The following NEK4 variants were observed in gnomAD, a reference collection of about 807,000 sequenced individuals.
NEK4 encodes serine/threonine-protein kinase Nek4.
Under a neutral mutation model 98.4 loss-of-function variants are expected in NEK4, and 86 were observed. That is an observed-to-expected ratio of 0.87 (90% CI 0.73 to 1.05). The LOEUF (loss-of-function observed/expected upper bound fraction) is 1.05. Ranked by LOEUF, NEK4 falls within the 50% of genes least tolerant of loss-of-function variation. The probability of loss-of-function intolerance (pLI) is 0.00; values close to 1 mark genes in which losing one functional copy is unlikely to be tolerated. For synonymous variants in NEK4, 328 were observed against 342.2 expected, an observed-to-expected ratio of 0.96 and a Z score of 0.46; for missense variants, 898 against 950.3, an observed-to-expected ratio of 0.94 and a Z score of 0.72.
chr3:52,737,065 C>A (rs1404420682), intron 15 of NEK4, among the ~76,000 whole-genome samples: 1 of 152,086 alleles, frequency 6.6e-6, no homozygotes, highest in East Asian at 1.9e-4. Context: ...GCCTCCCCTG[C>A]CGCTGGGATT....
chr3:52,741,424 C>T lies in NEK4; in HGVS notation c.2080G>A (p.Asp694Asn). ...STSSTDKSDG[D>N]YGEGKGQTNE... is the part of the protein sequence containing the mutation. ...ACAAGAACTTACCCTTCCCCGTAATCCCCATCTGACTTATCAGTTGAACTT... is the reference window on the plus strand; with the variant it reads ...ACAAGAACTTACCCTTCCCCGTAATTCCCATCTGACTTATCAGTTGAACTT... The change falls in exon 13 of 16, where the codon GAT becomes AAT. Residue 694 changes from aspartate to asparagine, a missense_variant. Physicochemically the swap from Asp to Asn is conservative, Grantham distance 23. Transcript: ENST00000233027. 1.3e-6 allele frequency: 2 copies of T among 1,599,528 alleles called. No homozygotes were observed. Among genetic ancestry groups the T allele is most frequent in the Non-Finnish European group, 1.7e-6 (2 of 1,166,942 alleles).
At chr3:52,765,683 A>AATTAATATT (rs1207082276) in intron 4 of NEK4, among the ~76,000 whole-genome samples, 18 of 152,232 alleles carry the variant, frequency 1.2e-4, no homozygotes, top group African/African-American at 4.3e-4. Flanking sequence ...AAGCTGGCTT[A>AATTAATATT]CAGATTAATA....
At chr3:52,722,445 G>A (rs1271047350) in intron 15 of NEK4, among the ~76,000 whole-genome samples, 2 of 151,952 alleles carry the variant, frequency 1.3e-5, no homozygotes, top group Non-Finnish European at 2.9e-5. Flanking sequence ...CTACATCACT[G>A]GCATGGAGGA....
chr3:52,721,679 T>C (rs189587800), intron 15 of NEK4, among the ~76,000 whole-genome samples: 10 of 150,104 alleles, frequency 6.7e-5, no homozygotes, highest in Non-Finnish European at 1.2e-4. Context: ...AAGGCTGCAG[T>C]GAGCTGTGAT....
chr3:52,759,750 T>C (rs1698285918), intron 6 of NEK4, among the ~76,000 whole-genome samples: 1 of 152,210 alleles, frequency 6.6e-6, no homozygotes, highest in Non-Finnish European at 1.5e-5. Context: ...GCTAGGTATG[T>C]ACCCAAAAGA....
intron 5 of NEK4, among the ~76,000 whole-genome samples, chr3:52,762,649 G>A (rs1559448451): frequency 6.6e-6 from 1 of 152,170 alleles, no homozygotes; most frequent in Admixed American, 6.5e-5. Context: ...TTGGGAGGCC[G>A]AGGTGGGCGG....
At chr3:52,761,189 T>C (rs1698342505) in intron 5 of NEK4, among the ~76,000 whole-genome samples, 2 of 152,144 alleles carry the variant, frequency 1.3e-5, no homozygotes, top group Admixed American at 1.3e-4. Context: ...ATATCCTGGA[T>C]TGGATCCTGG....
At chr3:52,728,009 G>A (rs2097366148) in intron 15 of NEK4, among the ~76,000 whole-genome samples, 1 of 152,138 alleles carries the variant, frequency 6.6e-6, no homozygotes, top group Non-Finnish European at 1.5e-5. Flanking sequence ...TAGATGAGAG[G>A]ATTGCATGAG....
At chr3:52,748,438 G>T (rs905946374) in intron 8 of NEK4, among the ~76,000 whole-genome samples, 1 of 151,978 alleles carries the variant, frequency 6.6e-6, no homozygotes, top group Non-Finnish European at 1.5e-5. Context: ...CACTTAAATT[G>T]TGGTTAATCT....
chr3:52,754,397 C>A, intron 6 of NEK4: 1 of 469,064 alleles, frequency 2.1e-6, no homozygotes, highest in South Asian at 1.8e-5. Flanking sequence ...TACAAAAAGC[C>A]CCCTAAACCC....
At chr3:52,766,904 TGAACCCGGGAAG>T (rs1182654339) in intron 2 of NEK4, among the ~76,000 whole-genome samples, 1 of 151,772 alleles carries the variant, frequency 6.6e-6, no homozygotes, top group East Asian at 1.9e-4. Context: ...GAGAATGGCG[TGAACCCGGGAAG>T]CGGAGCTTGC....
rs118118759 is a variant in NEK4, at chr3:52,764,355, G to A, written c.667-731C>T. Among the ~76,000 whole-genome samples the A allele has an allele frequency of 1.6e-4, 25 of 151,998 alleles. No individual in the cohort carries two copies. The East Asian group carries it at 4.8e-3, about 29-fold the overall frequency. On this transcript the variant is annotated intron_variant, in intron 4 of 15. Coordinates refer to ENST00000233027, the MANE Select transcript of NEK4 (RefSeq NM_003157.6). ...GTTAAAAAATACAAGACTTGGGCCG[G>A]GTGCAGTGGCTCACACCTGTAATCT...
intron 5 of NEK4, among the ~76,000 whole-genome samples, chr3:52,762,097 G>A (rs1481028023): frequency 2.0e-5 from 3 of 152,160 alleles, no homozygotes; most frequent in Non-Finnish European, 4.4e-5. Context: ...AATTTAACAT[G>A]CCACAAGGCA....
At chr3:52,743,109 A>G (rs1440249804) in intron 12 of NEK4, 1 of 397,048 alleles carries the variant, frequency 2.5e-6, no homozygotes, top group Non-Finnish European at 4.6e-6. Flanking sequence ...AGACCAACCT[A>G]TGAAATATTT....
chr3:52,743,445 T>G lies in NEK4; in HGVS notation c.1911A>C (p.Lys637Asn), dbSNP rs528461698. 3.1e-6 allele frequency: 5 copies of G among 1,614,072 alleles called. No individual in the cohort carries two copies. In the Admixed American group the frequency reaches 8.3e-5, roughly 27 times the overall value. ...CTGGCCCTGCTACACTCAGAGACGC[T>G]TTCCTCACTGAAGGGCCTGAAAAGG... ...EMSSSGPSVR[K>N]ASLSVAGPGK... is the part of the protein sequence containing the mutation. Residue 637 changes from lysine to asparagine, a missense_variant, in exon 12 of 16, where the codon AAA (lysine) becomes AAC (asparagine). By Grantham distance (94) the Lys-to-Asn change is moderately conservative. Transcript: ENST00000233027.
chr3:52,736,149 C>G (rs1439708703), intron 15 of NEK4, among the ~76,000 whole-genome samples: 2 of 152,166 alleles, frequency 1.3e-5, no homozygotes, highest in Non-Finnish European at 2.9e-5. Flanking sequence ...CTTTAAAAAT[C>G]TGTCCTGTTT....
intron 15 of NEK4, chr3:52,733,889 C>T (rs943879714): frequency 1.3e-5 from 4 of 300,202 alleles, no homozygotes; most frequent in Middle Eastern, 6.6e-4. Context: ...AGTCTTCAGT[C>T]GTACTTCATA....
At position 52,752,136 on chromosome 3, in the gene NEK4, T is replaced by C. The variant is rs748098932; in HGVS notation, c.1164A>G (p.Pro388=). ...VSDGFVQENQ[P]RYLDASNELG... is the part of the protein sequence containing the mutation. The stretch of plus-strand genomic sequence containing the variant: ...ACTCATTAGAGGCATCCAAATATCT[T>C]GGCTGATTCTCCTGAACAAAGCCAT... Residue 388 remains proline (P), a synonymous_variant, in exon 7 of 16, where the codon CCA becomes CCG. Coordinates refer to ENST00000233027, the MANE Select transcript of NEK4 (RefSeq NM_003157.6). 48 of 1,614,092 alleles carry C rather than the reference T, an allele frequency of 3.0e-5. No individual in the cohort carries two copies. Among genetic ancestry groups the C allele is most frequent in the African/African-American group, 4.0e-5 (3 of 74,934 alleles).
chr3:52,724,264 A>ACACACACAC (rs1561287999), intron 15 of NEK4, among the ~76,000 whole-genome samples: 1 of 88,638 alleles, frequency 1.1e-5, no homozygotes, highest in South Asian at 3.0e-4. Context: ...CACACACACA[A>ACACACACAC]AACTGTCAAA....
Sources: gnomAD v4.1 joint callset for allele counts (sites outside exome capture counted in the v4.1 genomes callset) on GRCh38, gnomAD v4.1.1 for gene constraint, MANE v1.5 for transcripts, NCBI Gene and HGNC (gene_info 2026-07-23, HGNC 2026-07-21) for gene names.